The following OR8J1 variants were observed in gnomAD, a reference collection of about 807,000 sequenced individuals.
OR8J1 encodes olfactory receptor family 8 subfamily J member 1, also known as olfactory receptor 8J1.
For missense variants in OR8J1, 400 were observed against 373.0 expected (o/e 1.07, Z -0.60); for synonymous variants, 157 against 144.3 (o/e 1.09, Z -0.63).
At position 56,360,573 on chromosome 11, in the gene OR8J1, A is replaced by G. The variant is rs949476840; in HGVS notation, c.327A>G (p.Val109=). The stretch of plus-strand genomic sequence containing the variant: ...TGGGAGGGTTCTTGTTCTTTATTGT[A>G]TCGGAGGTAATCATGCTGGCTTTGA... ...TQLGGFLFFI[V]SEVIMLALMA... is the part of the protein sequence containing the mutation. Residue 109 remains valine (V), a synonymous_variant, in exon 2 of 2, where the codon GTA becomes GTG. Coordinates refer to ENST00000533152, the MANE Select transcript of OR8J1 (RefSeq NM_001005205.3). 1.2e-6 allele frequency: 2 copies of G among 1,613,982 alleles called. No homozygotes were observed. Among genetic ancestry groups the G allele is most frequent in the Admixed American group, 1.7e-5 (1 of 59,984 alleles).
chr11:56,354,732 C>A (rs1260486226), intron 1 of OR8J1, among the ~76,000 whole-genome samples: 3 of 152,096 alleles, frequency 2.0e-5, no homozygotes, highest in African/African-American at 4.8e-5. Flanking sequence ...CAAAATGATG[C>A]CCCTTTTTGA....
At chr11:56,358,434 G>A (rs1852590250) in intron 1 of OR8J1, among the ~76,000 whole-genome samples, 1 of 151,946 alleles carries the variant, frequency 6.6e-6, no homozygotes, top group African/African-American at 2.4e-5. Flanking sequence ...AGTATTTTCA[G>A]CATATACATT....
Position 56,360,292 on chromosome 11 carries a change from G to T in OR8J1, c.46G>T (p.Gly16Cys). The part of the protein sequence containing the change: ...FTRVTEFILT[G>C]VSSCPELQIP... ...CAGAGTCACTGAGTTTATTCTTACAGGTGTCTCTAGCTGTCCAGAGCTCCA... is the reference window on the plus strand; with the variant it reads ...CAGAGTCACTGAGTTTATTCTTACATGTGTCTCTAGCTGTCCAGAGCTCCA... The change falls in exon 2 of 2, where the codon GGT (glycine) becomes TGT (cysteine). Residue 16 changes from glycine to cysteine, a missense_variant. Coordinates refer to ENST00000533152, the MANE Select transcript of OR8J1 (RefSeq NM_001005205.3). 1.2e-6 allele frequency: 2 copies of T among 1,600,500 alleles called. No homozygotes were observed.
intron 1 of OR8J1, among the ~76,000 whole-genome samples, chr11:56,356,835 T>A (rs1478854792): frequency 1.3e-5 from 2 of 152,202 alleles, no homozygotes; most frequent in Non-Finnish European, 2.9e-5. Context: ...CATAAGCACA[T>A]AAAGCTTAAT....
intron 1 of OR8J1, among the ~76,000 whole-genome samples, chr11:56,354,794 G>A (rs1050649232): frequency 6.6e-6 from 1 of 152,040 alleles, no homozygotes; most frequent in African/African-American, 2.4e-5. Context: ...CATTCAATGT[G>A]GTAATGTACA....
At chr11:56,354,373 C>A (rs1176530306) in intron 1 of OR8J1, 48 bp downstream of exon 1, 3 of 152,098 alleles carry the variant, frequency 2.0e-5, no homozygotes, top group Admixed American at 6.6e-5. Flanking sequence ...CCATAATGAC[C>A]TTTTAAAGAT....
At chr11:56,360,179 C>A in intron 1 of OR8J1, 48 bp from the exon 2 acceptor site, 1 of 1,291,774 alleles carries the variant, frequency 7.7e-7, no homozygotes, top group Non-Finnish European at 1.1e-6. Flanking sequence ...AAGGGCAGTC[C>A]TGCAAATAAT....
At chr11:56,355,252 A>G (rs1198532462) in intron 1 of OR8J1, among the ~76,000 whole-genome samples, 1 of 151,516 alleles carries the variant, frequency 6.6e-6, no homozygotes, top group African/African-American at 2.4e-5. Context: ...GACTAAAACT[A>G]GTAATAGGGA....
At chr11:56,358,082 T>G in intron 1 of OR8J1, 2 of 548,302 alleles carry the variant, frequency 3.6e-6, no homozygotes, top group Middle Eastern at 5.4e-4. Flanking sequence ...GAAAATCCAG[T>G]TTATGAAAAG....
chr11:56,357,770 C>T (rs1854989952), intron 1 of OR8J1: 1 of 1,459,840 alleles, frequency 6.9e-7, no homozygotes, highest in Non-Finnish European at 9.5e-7. Context: ...TGGGTGCAGG[C>T]CTTGCCAGAA....
At chr11:56,354,409 G>A (rs1462949677) in intron 1 of OR8J1, 84 bp downstream of exon 1, 2 of 152,016 alleles carry the variant, frequency 1.3e-5, no homozygotes, top group Admixed American at 6.6e-5. Context: ...AATGAGCCAA[G>A]GTATGGTTTT....
In OR8J1 at chr11:56,355,576, C is replaced by T. The variant is rs142046838; in HGVS notation, c.-21+1251C>T. Among the ~76,000 whole-genome samples, 437 of 152,076 alleles carry T rather than the reference C, an allele frequency of 2.9e-3. 1 individual carries two copies. Among genetic ancestry groups the T allele is most frequent in the African/African-American group, 9.7e-3 (403 of 41,478 alleles). On this transcript the variant is annotated intron_variant, in intron 1 of 1. Coordinates refer to ENST00000533152, the MANE Select transcript of OR8J1 (RefSeq NM_001005205.3). Reference sequence around the variant, plus strand: ...CCAGGAGGCGGAGGTTGCAGTGAGCCGAGACCGTGCCATTGCACTCCAGCC... The same window carrying T: ...CCAGGAGGCGGAGGTTGCAGTGAGCTGAGACCGTGCCATTGCACTCCAGCC...
At position 56,360,481 on chromosome 11, in the gene OR8J1, C is replaced by A. The variant is rs200337234; in HGVS notation, c.235C>A (p.Pro79Thr). Residue 79 changes from proline to threonine, a missense_variant, in exon 2 of 2, where the codon CCT (proline) becomes ACT (threonine). Pro to Thr is a conservative substitution (Grantham distance 38, BLOSUM62 -1). Transcript: ENST00000533152. ...TCTTGGTAACTCTACTGTCATTGCC[C>A]CTAAAATGCTGATTAACTTTTTAGT... is the stretch of plus-strand genomic sequence containing the variant. The part of the protein sequence containing the change: ...INLGNSTVIA[P>T]KMLINFLVKK... The A allele has an allele frequency of 7.4e-5, 120 of 1,613,976 alleles. No homozygotes were observed. Among genetic ancestry groups the A allele is most frequent in the Non-Finnish European group, 8.8e-5 (104 of 1,180,026 alleles).
At chr11:56,357,661 T>C in intron 1 of OR8J1, 2 of 1,561,394 alleles carry the variant, frequency 1.3e-6, no homozygotes, top group East Asian at 2.2e-5. Context: ...CTCAATAGGT[T>C]TGGCATGGAC....
chr11:56,360,266 C>T lies in OR8J1; in HGVS notation c.20C>T (p.Thr7Ile), dbSNP rs139847467. 328 of 1,569,238 alleles carry T rather than the reference C, an allele frequency of 2.1e-4. No individual in the cohort carries two copies. In the African/African-American group the frequency reaches 4.1e-3, roughly 20 times the overall value. The change falls in exon 2 of 2, where the codon ACC becomes ATC. Residue 7 changes from threonine (T) to isoleucine (I), a missense_variant. Coordinates refer to ENST00000533152, the MANE Select transcript of OR8J1 (RefSeq NM_001005205.3). ...TCTGACATGGCTCCTGAAAATTTCA[C>T]CAGAGTCACTGAGTTTATTCTTACA... MAPENF[T>I]RVTEFILTGV...
chr11:56,359,639 A>G (rs1852606606), intron 1 of OR8J1, among the ~76,000 whole-genome samples: 1 of 152,138 alleles, frequency 6.6e-6, no homozygotes, highest in African/African-American at 2.4e-5. Context: ...GTCACCTGAA[A>G]AATAAATGTG....
At chr11:56,357,870 T>C (rs1854991011) in intron 1 of OR8J1, 1 of 907,480 alleles carries the variant, frequency 1.1e-6, no homozygotes, top group Admixed American at 1.7e-5. Flanking sequence ...ATTCCCTGAT[T>C]ATGATTCTGA....
rs756438510 is a variant in OR8J1, at chr11:56,360,775, T to C, written c.529T>C (p.Phe177Leu). ...TTGCTCTTCTAATATAATCAATCAT[T>C]TTTACTGTGATAATGTTCCTCTGTT... ...SYCSSNIINH[F>L]YCDNVPLLAL... Residue 177 changes from phenylalanine to leucine, a missense_variant, in exon 2 of 2, where the codon TTT (phenylalanine) becomes CTT (leucine). Phe to Leu is a conservative substitution (Grantham distance 22). Coordinates refer to ENST00000533152, the MANE Select transcript of OR8J1 (RefSeq NM_001005205.3). 6.3e-7 allele frequency: 1 copy of C among 1,584,786 alleles called. No individual in the cohort carries two copies. The highest frequency in any genetic ancestry group is 8.5e-7 in the Non-Finnish European group (1 of 1,169,988).
chr11:56,358,140 G>A, intron 1 of OR8J1: 1 of 420,862 alleles, frequency 2.4e-6, no homozygotes, highest in Non-Finnish European at 4.4e-6. Flanking sequence ...ATCCCAGAAT[G>A]TCCCTTGCTC....
Sources: allele counts gnomAD v4.1 joint callset (sites outside exome capture counted in the v4.1 genomes callset), GRCh38; gene constraint gnomAD v4.1.1; transcripts MANE v1.5; gene names NCBI Gene and HGNC (gene_info 2026-07-23, HGNC 2026-07-21).